Variants in RTN1 observed in about 807,000 individuals in gnomAD.
RTN1 encodes the protein reticulon-1.
RTN1 carries 25 observed loss-of-function variants against 65.5 expected under a neutral mutation model. The observed-to-expected ratio is 0.38, with a 90% CI of 0.28 to 0.53. The LOEUF is 0.53. Ranked by LOEUF, RTN1 falls within the 20% of genes least tolerant of loss-of-function variation. The pLI is 0.79. For missense variants in RTN1, 983 were observed against 1,025.4 expected, an observed-to-expected ratio of 0.96 and a Z score of 0.57; for synonymous variants, 471 against 447.6, an observed-to-expected ratio of 1.05 and a Z score of -0.66.
chr14:59,819,638 T>G lies in RTN1; in HGVS notation c.241+50752A>C, dbSNP rs140270336. Among the ~76,000 whole-genome samples, 1,339 of 151,968 alleles carry G rather than the reference T, an allele frequency of 8.8e-3. 17 individuals carry two copies. The highest frequency in any genetic ancestry group is 0.01 in the Middle Eastern group (3 of 294). On this transcript the variant is annotated intron_variant, in intron 1 of 8. Coordinates refer to ENST00000267484, the MANE Select transcript of RTN1 (RefSeq NM_021136.3). ...TTGGGCGGTCGATGGGACCGGGCGC[T>G]GCGGAGCAGGGGACGGCGCCCGTCG...
In RTN1 at chr14:59,819,439, C is replaced by CG; in HGVS notation, c.241+50950_241+50951insC. Among the ~76,000 whole-genome samples, 2 of 55,086 alleles carry CG rather than the reference C, an allele frequency of 3.6e-5. 1 individual carries two copies. The highest frequency in any genetic ancestry group is 1.6e-4 in the African/African-American group (2 of 12,640). The allele number at this position is 55,086 out of a possible 152,430, so 36.1% of individuals were successfully genotyped here. On this transcript the variant is annotated intron_variant, in intron 1 of 8. Transcript: ENST00000267484. ...ACCCCCCCCCCACCCCCCACCCCCC[C>CG]CCCCCGGCCACAGCTAGACACAGAG...
intron 3 of RTN1, among the ~76,000 whole-genome samples, chr14:59,659,500 G>A (rs1001370546): frequency 6.6e-6 from 1 of 152,130 alleles, no homozygotes; most frequent in Admixed American, 6.5e-5. Flanking sequence ...GAAAAGTCGG[G>A]TTACCCAGAA....
At chr14:59,649,216 T>G (rs1331147127) in intron 3 of RTN1, among the ~76,000 whole-genome samples, 1 of 152,172 alleles carries the variant, frequency 6.6e-6, no homozygotes, top group Non-Finnish European at 1.5e-5. Context: ...TGCAGAAAAC[T>G]GAAACTGGAC....
At chr14:59,823,848 C>T (rs1886985820) in intron 1 of RTN1, among the ~76,000 whole-genome samples, 1 of 152,218 alleles carries the variant, frequency 6.6e-6, no homozygotes. Context: ...ACAATATCCT[C>T]AACTATGTTT....
At position 59,868,381 on chromosome 14, in the gene RTN1, T is replaced by C. The variant is rs1198389121; in HGVS notation, c.241+2009A>G. ...CCAAACGTAGTATCATGTTTGATTTTATTACTATATTTGTTGCCTAGGATA... is the reference window on the plus strand; with the variant it reads ...CCAAACGTAGTATCATGTTTGATTTCATTACTATATTTGTTGCCTAGGATA... On this transcript the variant is annotated intron_variant, in intron 1 of 8. Transcript: ENST00000267484. The surrounding 1 kb of genome is among the most constrained non-coding windows in gnomAD (Gnocchi z 4.0). 1.3e-5 allele frequency among the ~76,000 whole-genome samples: 2 copies of C among 152,236 alleles called. No homozygotes were observed. Among genetic ancestry groups the C allele is most frequent in the Non-Finnish European group, 2.9e-5 (2 of 68,036 alleles).
chr14:59,665,232 C>T (rs2140210213), intron 3 of RTN1, among the ~76,000 whole-genome samples: 1 of 152,276 alleles, frequency 6.6e-6, no homozygotes, highest in East Asian at 1.9e-4. Context: ...AGCAGACTAA[C>T]AGCGGATCTC....
chr14:59,733,382 C>T (rs187900364), intron 2 of RTN1, among the ~76,000 whole-genome samples: 67 of 152,320 alleles, frequency 4.4e-4, no homozygotes, highest in African/African-American at 9.6e-4. Context: ...CATGAGCCAC[C>T]GTGCCCGGCC....
At chr14:59,866,141 T>C (rs1887794221) in intron 1 of RTN1, among the ~76,000 whole-genome samples, 1 of 152,150 alleles carries the variant, frequency 6.6e-6, no homozygotes, top group South Asian at 2.1e-4. Flanking sequence ...AAAGGAACTA[T>C]TTGGCTAAAT....
rs748635893 is a variant in RTN1 at position 59,727,228 on chromosome 14, C to A, written c.1456G>T (p.Asp486Tyr). The change falls in exon 3 of 9, where the codon GAC becomes TAC. Residue 486 changes from aspartate to tyrosine, a missense_variant. Transcript: ENST00000267484. The surrounding 1 kb of genome is among the most constrained non-coding windows in gnomAD (Gnocchi z 4.2). ...ASEESPKREQDSPPMKPSALD... is the reference protein window; with the variant it reads ...ASEESPKREQYSPPMKPSALD... ...GCGCTGGGCTTCATCGGGGGTGAGT[C>A]CTGCTCCCGCTTGGGGCTCTCCTCC... is the stretch of plus-strand genomic sequence containing the variant. 1.3e-6 allele frequency: 2 copies of A among 1,559,088 alleles called. No individual in the cohort carries two copies. The highest frequency in any genetic ancestry group is 1.7e-6 in the Non-Finnish European group (2 of 1,152,672).
intron 2 of RTN1, among the ~76,000 whole-genome samples, chr14:59,738,315 T>A (rs1385533719): frequency 1.3e-5 from 2 of 151,742 alleles, no homozygotes; most frequent in Admixed American, 1.3e-4. Context: ...AGAAAAAAAA[T>A]AAACAACCTC....
chr14:59,708,624 T>A (rs1884350995), intron 3 of RTN1, among the ~76,000 whole-genome samples: 1 of 152,208 alleles, frequency 6.6e-6, no homozygotes, highest in Non-Finnish European at 1.5e-5. Flanking sequence ...ACTCCCAAGG[T>A]TTGTAAGCCA....
chr14:59,823,770 A>G (rs1333406695), intron 1 of RTN1, among the ~76,000 whole-genome samples: 2 of 152,136 alleles, frequency 1.3e-5, no homozygotes, highest in Non-Finnish European at 2.9e-5. Flanking sequence ...TGTCTTATAT[A>G]ATATTTCACA....
chr14:59,638,946 T>C (rs1281992823), intron 3 of RTN1, among the ~76,000 whole-genome samples: 5 of 152,260 alleles, frequency 3.3e-5, no homozygotes, highest in African/African-American at 1.2e-4. Context: ...TGGCCTATCT[T>C]AGCTTTCAAC....
intron 3 of RTN1, among the ~76,000 whole-genome samples, chr14:59,629,507 C>T (rs1314099183): frequency 6.6e-6 from 1 of 152,226 alleles, no homozygotes; most frequent in African/African-American, 2.4e-5. Flanking sequence ...AAATTAAACG[C>T]GCCTTCTTCA....
At chr14:59,856,221 G>C (rs931310039) in intron 1 of RTN1, among the ~76,000 whole-genome samples, 3 of 152,064 alleles carry the variant, frequency 2.0e-5, no homozygotes, top group Admixed American at 6.5e-5. Context: ...AGGATTTTTA[G>C]CTGTATTTAG....
chr14:59,730,029 G>C (rs1884866826), intron 2 of RTN1, among the ~76,000 whole-genome samples: 2 of 152,288 alleles, frequency 1.3e-5, no homozygotes, highest in South Asian at 4.1e-4. Context: ...CTAATGTTAA[G>C]GCTTTGGCAT....
intron 3 of RTN1, among the ~76,000 whole-genome samples, chr14:59,688,417 G>A (rs565924187): frequency 6.6e-5 from 10 of 152,294 alleles, no homozygotes; most frequent in South Asian, 4.1e-4. Flanking sequence ...GCTGGTGCTC[G>A]TGCATGCCAT....
At chr14:59,719,180 G>C (rs1043905386) in intron 3 of RTN1, among the ~76,000 whole-genome samples, 5 of 152,180 alleles carry the variant, frequency 3.3e-5, no homozygotes, top group African/African-American at 1.2e-4. Context: ...ACCATGATGT[G>C]TGCATGGAAG....
intron 1 of RTN1, among the ~76,000 whole-genome samples, chr14:59,866,559 A>T (rs1887802327): frequency 6.6e-6 from 1 of 152,126 alleles, no homozygotes; most frequent in Non-Finnish European, 1.5e-5. Context: ...AATTTAACCT[A>T]ATTTGAATTC....
Sources: allele counts gnomAD v4.1 joint callset (sites outside exome capture counted in the v4.1 genomes callset), GRCh38; gene constraint gnomAD v4.1.1; non-coding constraint Gnocchi (gnomAD v3.1); transcripts MANE v1.5; gene names NCBI Gene and HGNC (gene_info 2026-07-23, HGNC 2026-07-21).